The following ST3GAL3 variants were observed in gnomAD, a reference collection of about 807,000 sequenced individuals.
The protein encoded by ST3GAL3 is ST3 beta-galactoside alpha-2,3-sialyltransferase 3.
ST3GAL3 carries 21 observed loss-of-function variants against 50.1 expected under a neutral mutation model. The observed-to-expected ratio is 0.42, with a 90% CI of 0.30 to 0.60. The LOEUF (loss-of-function observed/expected upper bound fraction) is 0.60, where lower values mean the gene tolerates loss of function less well. Ranked by LOEUF, ST3GAL3 falls within the 20% of genes least tolerant of loss-of-function variation. ST3GAL3 has a pLI of 0.19. For synonymous variants in ST3GAL3, 183 were observed against 190.0 expected (o/e 0.96, Z 0.30); for missense variants, 353 against 489.4 (o/e 0.72, Z 2.63).
chr1:43,876,706 T>A (rs1453443295), intron 5 of ST3GAL3, among the ~76,000 whole-genome samples: 1 of 152,214 alleles, frequency 6.6e-6, no homozygotes, highest in Non-Finnish European at 1.5e-5. Context: ...TCCTCCTTCC[T>A]GGTGGTTGGC....
At chr1:43,756,338 A>G (rs1393384826) in intron 2 of ST3GAL3, among the ~76,000 whole-genome samples, 2 of 152,118 alleles carry the variant, frequency 1.3e-5, no homozygotes, top group African/African-American at 4.8e-5. Context: ...TTGCAAACGG[A>G]CACAAAAAAT....
intron 3 of ST3GAL3, among the ~76,000 whole-genome samples, chr1:43,795,599 A>G (rs1403634335): frequency 6.6e-6 from 1 of 152,232 alleles, no homozygotes; most frequent in Admixed American, 6.5e-5. Context: ...AGCGCTGGGC[A>G]TACCACATCG....
chr1:43,875,540 G>A (rs535007487), intron 5 of ST3GAL3, among the ~76,000 whole-genome samples: 1 of 152,216 alleles, frequency 6.6e-6, no homozygotes, highest in South Asian at 2.1e-4. Context: ...GGAACCTGGT[G>A]GGAAGTGATT....
intron 5 of ST3GAL3, among the ~76,000 whole-genome samples, chr1:43,862,745 CA>C (rs749080973): frequency 0.36 from 37,733 of 104,424 alleles, 5,138 homozygotes; most frequent in African/African-American, 0.41. Flanking sequence ...CTGTCTCTAC[CA>C]AAAAAAAAAA....
At chr1:43,901,611 G>A (rs1397584894) in intron 9 of ST3GAL3, among the ~76,000 whole-genome samples, 3 of 152,248 alleles carry the variant, frequency 2.0e-5, no homozygotes, top group African/African-American at 7.2e-5. Flanking sequence ...AGACAGCAGG[G>A]CCTTGCTTTT....
chr1:43,929,408 G>A (rs926315664), intron 11 of ST3GAL3, among the ~76,000 whole-genome samples: 2 of 151,774 alleles, frequency 1.3e-5, no homozygotes, highest in Non-Finnish European at 2.9e-5. Context: ...GGGTTCAAGC[G>A]ATTCTCCTGC....
intron 2 of ST3GAL3, among the ~76,000 whole-genome samples, chr1:43,742,836 C>A (rs1275730107): frequency 3.9e-5 from 6 of 152,058 alleles, no homozygotes; most frequent in African/African-American, 7.2e-5. Flanking sequence ...CGGAAGAAGC[C>A]CATGAGTTTG....
intron 4 of ST3GAL3, among the ~76,000 whole-genome samples, chr1:43,817,803 C>CCTCCTTCTCCTG (rs2061582345): frequency 7.4e-6 from 1 of 135,406 alleles, no homozygotes; most frequent in Non-Finnish European, 1.6e-5. Flanking sequence ...TCCTTCTCCT[C>CCTCCTTCTCCTG]CTCCTTCTCC....
At chr1:43,712,720 G>A (rs1397894602) in intron 1 of ST3GAL3, among the ~76,000 whole-genome samples, 1 of 152,222 alleles carries the variant, frequency 6.6e-6, no homozygotes, top group Non-Finnish European at 1.5e-5. Context: ...TATTAGCTGG[G>A]TGGATATGGG....
chr1:43,816,474 T>G (rs964449468), intron 4 of ST3GAL3, among the ~76,000 whole-genome samples: 5 of 152,198 alleles, frequency 3.3e-5, no homozygotes, highest in African/African-American at 9.7e-5. Flanking sequence ...GCCATAGGCT[T>G]CACTCTTAGA....
chr1:43,789,758 T>C (rs985253136), intron 2 of ST3GAL3, among the ~76,000 whole-genome samples: 6 of 151,970 alleles, frequency 3.9e-5, no homozygotes, highest in African/African-American at 1.5e-4. Flanking sequence ...CCTGTAGTCC[T>C]AGCTGTTGAG....
At chr1:43,785,844 G>A (rs1413122782) in intron 2 of ST3GAL3, among the ~76,000 whole-genome samples, 1 of 152,122 alleles carries the variant, frequency 6.6e-6, no homozygotes, top group Non-Finnish European at 1.5e-5. Context: ...CCATGGGCCA[G>A]TTGTCAGTGG....
rs187116637 is a variant in ST3GAL3, at chr1:43,909,007, A to C, written c.744+9280A>C. The stretch of plus-strand genomic sequence containing the variant: ...CCTATGGATCCTATTTCACGCCTCT[A>C]TGTTCTACCTGTTTCCCTACCCATG... On this transcript the variant is annotated intron_variant, in intron 9 of 11. Transcript: ENST00000347631. Among the ~76,000 whole-genome samples the C allele has an allele frequency of 2.9e-3, 445 of 152,184 alleles. 1 individual carries two copies. Among genetic ancestry groups the C allele is most frequent in the Non-Finnish European group, 4.7e-3 (319 of 68,000 alleles).
chr1:43,795,983 T>A (rs2058646327), intron 3 of ST3GAL3, among the ~76,000 whole-genome samples: 1 of 152,078 alleles, frequency 6.6e-6, no homozygotes, highest in South Asian at 2.1e-4. Flanking sequence ...TAGTTAAAGC[T>A]CTGGGGTGGG....
At position 43,811,258 on chromosome 1, in the gene ST3GAL3, C is replaced by G. The variant is rs561320705; in HGVS notation, c.167-3633C>G. ...ATGCCCTGCCTGTCTTTCCTCTTCCCTCCTCTCCCAGCTACTAGCTGCTGC... is the reference window on the plus strand; with the variant it reads ...ATGCCCTGCCTGTCTTTCCTCTTCCGTCCTCTCCCAGCTACTAGCTGCTGC... On this transcript the variant is annotated intron_variant, in intron 3 of 11. Coordinates refer to ENST00000347631, the MANE Select transcript of ST3GAL3 (RefSeq NM_006279.5). 4.6e-5 allele frequency among the ~76,000 whole-genome samples: 7 copies of G among 152,292 alleles called. No homozygotes were observed. In the South Asian group the frequency reaches 1.5e-3, roughly 32 times the overall value.
intron 2 of ST3GAL3, among the ~76,000 whole-genome samples, chr1:43,784,214 C>T (rs1439107449): frequency 6.6e-6 from 1 of 152,116 alleles, no homozygotes; most frequent in African/African-American, 2.4e-5. Flanking sequence ...ATTCTCCTTG[C>T]ATCTAAACGA....
chr1:43,837,189 G>T (rs1224666505), intron 4 of ST3GAL3, among the ~76,000 whole-genome samples: 1 of 152,186 alleles, frequency 6.6e-6, no homozygotes, highest in African/African-American at 2.4e-5. Context: ...AGTATATGAT[G>T]TGAGGGGAAG....
At chr1:43,728,547 C>A (rs1244643021) in intron 1 of ST3GAL3, among the ~76,000 whole-genome samples, 1 of 152,068 alleles carries the variant, frequency 6.6e-6, no homozygotes, top group Non-Finnish European at 1.5e-5. Flanking sequence ...GAGTTTGATA[C>A]CAACCTGGGC....
chr1:43,745,955 A>T (rs1167468120), intron 2 of ST3GAL3, among the ~76,000 whole-genome samples: 2 of 152,226 alleles, frequency 1.3e-5, no homozygotes, highest in African/African-American at 4.8e-5. Flanking sequence ...CGCAAATACC[A>T]TTGTGTTACA....
Sources: allele counts gnomAD v4.1 joint callset (sites outside exome capture counted in the v4.1 genomes callset), GRCh38; gene constraint gnomAD v4.1.1; transcripts MANE v1.5; gene names NCBI Gene and HGNC (gene_info 2026-07-23, HGNC 2026-07-21).